TMEM132D: variants seen among roughly 807,000 people sequenced by gnomAD.
TMEM132D encodes the protein mature OL transmembrane protein.
Under a neutral mutation model 62.3 loss-of-function variants are expected in TMEM132D, and 21 were observed. That is an observed-to-expected ratio of 0.34 (90% CI 0.24 to 0.49). The LOEUF (loss-of-function observed/expected upper bound fraction) is 0.49, where lower values mean the gene tolerates loss of function less well. Ranked by LOEUF, TMEM132D falls within the 20% of genes least tolerant of loss-of-function variation. The pLI is 0.99. For synonymous variants in TMEM132D, 621 were observed against 575.6 expected (o/e 1.08, Z -1.13); for missense variants, 1,346 against 1,402.8 (o/e 0.96, Z 0.65).
At chr12:129,077,438 C>T (rs1213575466) in intron 8 of TMEM132D, among the ~76,000 whole-genome samples, 2 of 151,970 alleles carry the variant, frequency 1.3e-5, no homozygotes, top group African/African-American at 4.8e-5. Flanking sequence ...TTCCTATGTT[C>T]TAAGAAATAA....
At chr12:129,508,447 T>A (rs1875405835) in intron 3 of TMEM132D, among the ~76,000 whole-genome samples, 1 of 152,190 alleles carries the variant, frequency 6.6e-6, no homozygotes, top group Non-Finnish European at 1.5e-5. Context: ...GACTATTAGC[T>A]CTTATTTGTA....
intron 4 of TMEM132D, among the ~76,000 whole-genome samples, chr12:129,330,177 C>T (rs1451507959): frequency 6.6e-6 from 1 of 152,142 alleles, no homozygotes; most frequent in African/African-American, 2.4e-5. Flanking sequence ...AGCATTCAAC[C>T]AAGTAGGTGG....
At chr12:129,365,475 T>C (rs948181035) in intron 3 of TMEM132D, among the ~76,000 whole-genome samples, 4 of 152,144 alleles carry the variant, frequency 2.6e-5, no homozygotes, top group African/African-American at 9.7e-5. Flanking sequence ...GAATAATAAA[T>C]GCCCGTCTTA....
chr12:129,189,144 G>A (rs1299141787), intron 5 of TMEM132D, among the ~76,000 whole-genome samples: 6 of 152,064 alleles, frequency 3.9e-5, no homozygotes, highest in African/African-American at 1.5e-4. Context: ...CCATGAGAGA[G>A]GAGGAAGTCC....
In TMEM132D at chr12:129,398,632, C is replaced by T. The variant is rs375429964; in HGVS notation, c.1116-60815G>A. 9.2e-5 allele frequency among the ~76,000 whole-genome samples: 14 copies of T among 152,310 alleles called. No homozygotes were observed. In the East Asian group the frequency reaches 2.3e-3, roughly 25 times the overall value. ...ATCACATCTTCACCTTAGGGAAAGACACACGATATATAAATTGTAATTGTA... is the reference window on the plus strand; with the variant it reads ...ATCACATCTTCACCTTAGGGAAAGATACACGATATATAAATTGTAATTGTA... On this transcript the variant is annotated intron_variant, in intron 3 of 8. Coordinates refer to ENST00000422113, the MANE Select transcript of TMEM132D (RefSeq NM_133448.3).
intron 5 of TMEM132D, among the ~76,000 whole-genome samples, chr12:129,177,797 T>G (rs1306903970): frequency 6.6e-6 from 1 of 152,208 alleles, no homozygotes; most frequent in Non-Finnish European, 1.5e-5. Flanking sequence ...TGGGTACATG[T>G]GCAGGATGTG....
chr12:129,613,032 G>A (rs971331341), intron 2 of TMEM132D, among the ~76,000 whole-genome samples: 3 of 152,046 alleles, frequency 2.0e-5, no homozygotes, highest in African/African-American at 2.4e-5. Context: ...ACACAATTCC[G>A]TCCTGAGCCC....
At chr12:129,446,698 G>A (rs1008485997) in intron 3 of TMEM132D, among the ~76,000 whole-genome samples, 1 of 152,182 alleles carries the variant, frequency 6.6e-6, no homozygotes, top group African/African-American at 2.4e-5. Flanking sequence ...CAGGTGCTGT[G>A]TAAAACTGAT....
At chr12:129,360,813 C>T (rs925403854) in intron 3 of TMEM132D, among the ~76,000 whole-genome samples, 33 of 152,300 alleles carry the variant, frequency 2.2e-4, no homozygotes, top group African/African-American at 7.2e-4. Context: ...TTTTCCTGGA[C>T]GTCTCCCACT....
chr12:129,518,753 A>C (rs1875757836), intron 3 of TMEM132D, among the ~76,000 whole-genome samples: 1 of 152,110 alleles, frequency 6.6e-6, no homozygotes, highest in South Asian at 2.1e-4. Flanking sequence ...TTTGCTTGTG[A>C]AACTGCTATA....
intron 2 of TMEM132D, among the ~76,000 whole-genome samples, chr12:129,684,879 G>C (rs1185856748): frequency 6.6e-6 from 1 of 152,242 alleles, no homozygotes; most frequent in Non-Finnish European, 1.5e-5. Context: ...AAAGAGACTG[G>C]TGGCTGTTTT....
intron 3 of TMEM132D, among the ~76,000 whole-genome samples, chr12:129,358,764 C>A (rs1332212530): frequency 6.6e-6 from 1 of 152,190 alleles, no homozygotes; most frequent in East Asian, 1.9e-4. Context: ...GGGATGTGAA[C>A]CCCAATGAAG....
At chr12:129,149,595 T>C (rs1370149754) in intron 5 of TMEM132D, among the ~76,000 whole-genome samples, 1 of 152,184 alleles carries the variant, frequency 6.6e-6, no homozygotes, top group African/African-American at 2.4e-5. Context: ...CTCAGGGCAC[T>C]GGGGACCGTG....
intron 3 of TMEM132D, among the ~76,000 whole-genome samples, chr12:129,509,096 T>C (rs919768669): frequency 6.6e-6 from 1 of 152,184 alleles, no homozygotes; most frequent in Non-Finnish European, 1.5e-5. Flanking sequence ...GCCAATTGAA[T>C]GATTCAGAAT....
chr12:129,482,283 C>T (rs563974989), intron 3 of TMEM132D, among the ~76,000 whole-genome samples: 17 of 152,206 alleles, frequency 1.1e-4, no homozygotes, highest in South Asian at 4.2e-4. Context: ...GGTTGAGGAA[C>T]GGTTGAATTA....
intron 2 of TMEM132D, among the ~76,000 whole-genome samples, chr12:129,662,657 G>T (rs144628505): frequency 0.022 from 3,304 of 152,140 alleles, 59 homozygotes; most frequent in Non-Finnish European, 0.031. Flanking sequence ...GCTGGGCATG[G>T]TGGCACACGC....
chr12:129,581,505 G>A lies in TMEM132D; in HGVS notation c.969-50300C>T, dbSNP rs557428256. On this transcript the variant is annotated intron_variant, in intron 2 of 8. Coordinates refer to ENST00000422113, the MANE Select transcript of TMEM132D (RefSeq NM_133448.3). ...CCGACAGTGCAGCCTTCAGTCTGTGGCCAAAGGCCTGAGAGCCCCTGGCAA... is the reference window on the plus strand; with the variant it reads ...CCGACAGTGCAGCCTTCAGTCTGTGACCAAAGGCCTGAGAGCCCCTGGCAA... 2.0e-5 allele frequency among the ~76,000 whole-genome samples: 3 copies of A among 152,304 alleles called. No individual in the cohort carries two copies. The South Asian group carries it at 6.2e-4, about 32-fold the overall frequency.
At chr12:129,339,722 T>C (rs1566038249) in intron 3 of TMEM132D, among the ~76,000 whole-genome samples, 1 of 151,130 alleles carries the variant, frequency 6.6e-6, no homozygotes, top group African/African-American at 2.5e-5. Flanking sequence ...AATTTTGGTA[T>C]GACTTTCCCA....
intron 5 of TMEM132D, among the ~76,000 whole-genome samples, chr12:129,107,088 A>G (rs558994122): frequency 4.6e-5 from 7 of 152,354 alleles, no homozygotes; most frequent in African/African-American, 1.7e-4. Context: ...TATAGTAGGC[A>G]CACAAGAAAG....
Sources: gnomAD v4.1 joint callset for allele counts (sites outside exome capture counted in the v4.1 genomes callset) on GRCh38, gnomAD v4.1.1 for gene constraint, MANE v1.5 for transcripts, NCBI Gene and HGNC (gene_info 2026-07-23, HGNC 2026-07-21) for gene names.